Variants in LPCAT1 observed in about 807,000 individuals in gnomAD.
LPCAT1 encodes the protein lysophosphatidylcholine acyltransferase 1, also known as 1-acylglycerol-3-phosphate O-acyltransferase.
Under a neutral mutation model 60.9 loss-of-function variants are expected in LPCAT1, and 23 were observed. The observed-to-expected ratio is 0.38, with a 90% CI of 0.27 to 0.53. LPCAT1 has a LOEUF of 0.53. Ranked by LOEUF, LPCAT1 falls within the 20% of genes least tolerant of loss-of-function variation. LPCAT1 has a pLI of 0.82. For synonymous variants in LPCAT1, 340 were observed against 301.1 expected (o/e 1.13, Z -1.34); for missense variants, 622 against 723.6 (o/e 0.86, Z 1.61).
chr5:1,513,881 T>C (rs928762410), intron 1 of LPCAT1, among the ~76,000 whole-genome samples: 5 of 141,316 alleles, frequency 3.5e-5, no homozygotes, highest in Admixed American at 7.1e-5. Context: ...TGTGATTACA[T>C]TTCCTCCATT....
rs1736707411 is a variant in LPCAT1, at chr5:1,522,525, A to C, written c.135+1185T>G. 6.6e-6 allele frequency among the ~76,000 whole-genome samples: 1 copy of C among 152,148 alleles called. No homozygotes were observed. The highest frequency in any genetic ancestry group is 2.4e-5 in the African/African-American group (1 of 41,436). On this transcript the variant is annotated intron_variant, in intron 1 of 13. Transcript: ENST00000283415. This position sits in a 1 kb window ranked among gnomAD's most constrained non-coding sequence, Gnocchi z 6.8. ...GTGTGTCACCAGGAGGGGCGGCACC[A>C]TCGGGCTCTCCTGCTCCCCGTCCCC...
intron 1 of LPCAT1, among the ~76,000 whole-genome samples, chr5:1,505,873 G>C (rs1453039726): frequency 1.3e-5 from 2 of 152,208 alleles, no homozygotes; most frequent in African/African-American, 2.4e-5. Context: ...TTCCTCTATG[G>C]GAAAGAATGC....
In LPCAT1 at chr5:1,483,586, G is replaced by A; in HGVS notation, c.668-100C>T. On this transcript the variant is annotated intron_variant, in intron 5 of 13. Transcript: ENST00000283415. The surrounding 1 kb of genome is among the most constrained non-coding windows in gnomAD (Gnocchi z 9.2). ...CCTTGGGATAAAAGTGAGCTTTTCT[G>A]TCTAGGCCTTCCTGGTCAGCAAGGG... The A allele has an allele frequency of 2.4e-6, 3 of 1,256,440 alleles. No homozygotes were observed. The highest frequency in any genetic ancestry group is 2.2e-4 in the Middle Eastern group (1 of 4,526). The allele number at this position is 1,256,440 out of a possible 1,614,324, so 77.8% of individuals were successfully genotyped here. A position where few individuals can be genotyped will look rare whatever the true frequency, so the allele number is the denominator to read the frequency against.
Position 1,502,352 on chromosome 5 carries a change from T to C in LPCAT1, c.136-749A>G, listed in dbSNP as rs1365874395. Among the ~76,000 whole-genome samples, 3 of 152,214 alleles carry C rather than the reference T, an allele frequency of 2.0e-5. No individual in the cohort carries two copies. Among genetic ancestry groups the C allele is most frequent in the East Asian group, 3.9e-4 (2 of 5,176 alleles). ...GGACATGAGAAAGCATACGCCACCC[T>C]AGGCAGTGTTGGTGACAGGGGGAGG... is the stretch of plus-strand genomic sequence containing the variant. On this transcript the variant is annotated intron_variant, in intron 1 of 13. Coordinates refer to ENST00000283415, the MANE Select transcript of LPCAT1 (RefSeq NM_024830.5). The surrounding 1 kb of genome is among the most constrained non-coding windows in gnomAD (Gnocchi z 5.5).
rs368713049 is a variant in LPCAT1, at chr5:1,483,969, G to A, written c.668-483C>T. On this transcript the variant is annotated intron_variant, in intron 5 of 13. Transcript: ENST00000283415. The surrounding 1 kb of genome is among the most constrained non-coding windows in gnomAD (Gnocchi z 9.2). ...GCTGGAAGGCGTTGGTGGGAAGTGG[G>A]GGTCCTCATCACCGGCCAATGCTCA... 6.6e-6 allele frequency among the ~76,000 whole-genome samples: 1 copy of A among 152,252 alleles called. No individual in the cohort carries two copies. Among genetic ancestry groups the A allele is most frequent in the Non-Finnish European group, 1.5e-5 (1 of 68,038 alleles).
intron 13 of LPCAT1, among the ~76,000 whole-genome samples, chr5:1,465,803 G>A (rs1734368081): frequency 6.6e-6 from 1 of 150,456 alleles, no homozygotes; most frequent in African/African-American, 2.5e-5. Flanking sequence ...AATACTAAAA[G>A]AAGCACGCAC....
At chr5:1,501,403 C>G in intron 2 of LPCAT1, 58 bp downstream of exon 2, 1 of 1,548,126 alleles carries the variant, frequency 6.5e-7, no homozygotes, top group South Asian at 1.2e-5. Flanking sequence ...AATGGGTTCC[C>G]ACTGTTTGGC....
Position 1,523,897 on chromosome 5 carries a change from G to C in LPCAT1, c.-53C>G. 1 of 1,016,772 alleles carries C rather than the reference G, an allele frequency of 9.8e-7. No individual in the cohort carries two copies. The highest frequency in any genetic ancestry group is 4.5e-5 in the South Asian group (1 of 22,396). The allele number at this position is 1,016,772 out of a possible 1,614,324, so 63.0% of individuals were successfully genotyped here. On this transcript the variant is annotated 5_prime_UTR_variant, in exon 1 of 14. Coordinates refer to ENST00000283415, the MANE Select transcript of LPCAT1 (RefSeq NM_024830.5). This position sits in a 1 kb window ranked among gnomAD's most constrained non-coding sequence, Gnocchi z 7.1. ...CCGAGCTGCCTGGGGCGCCGAGCGGGGCCGGGGCTAGCTGGGCGCGGGTCT... is the reference window on the plus strand; with the variant it reads ...CCGAGCTGCCTGGGGCGCCGAGCGGCGCCGGGGCTAGCTGGGCGCGGGTCT...
chr5:1,507,825 G>C (rs1044508884), intron 1 of LPCAT1, among the ~76,000 whole-genome samples: 2 of 152,230 alleles, frequency 1.3e-5, no homozygotes, highest in African/African-American at 4.8e-5. Flanking sequence ...TCTGGGTCTA[G>C]ATGCAACCAC....
chr5:1,489,976 G>A, intron 3 of LPCAT1, 118 bp from the exon 4 acceptor site: 1 of 742,234 alleles, frequency 1.3e-6, no homozygotes, highest in Non-Finnish European at 2.4e-6. Context: ...AGATGCCCCA[G>A]GGGCTGTGCC....
chr5:1,470,275 C>T (rs985098762), intron 12 of LPCAT1, among the ~76,000 whole-genome samples: 12 of 152,350 alleles, frequency 7.9e-5, no homozygotes, highest in Middle Eastern at 3.4e-3. Context: ...CCTGGCCTCC[C>T]GCCCTCCAGG....
chr5:1,506,268 C>T (rs1366169647), intron 1 of LPCAT1, among the ~76,000 whole-genome samples: 1 of 152,234 alleles, frequency 6.6e-6, no homozygotes, highest in Non-Finnish European at 1.5e-5. Flanking sequence ...GGCATCTCCA[C>T]CGATCTGCCT....
chr5:1,473,229 G>A lies in LPCAT1; in HGVS notation c.1179+728C>T, dbSNP rs971917816. On this transcript the variant is annotated intron_variant, in intron 11 of 13. Transcript: ENST00000283415. The stretch of plus-strand genomic sequence containing the variant: ...ACACGGGACATCTCATGCTGTCACG[G>A]GACAGTCATGGCTGAAGGAGCCTTC... Among the ~76,000 whole-genome samples, 5 of 152,296 alleles carry A rather than the reference G, an allele frequency of 3.3e-5. No homozygotes were observed. In the South Asian group the frequency reaches 8.3e-4, roughly 25 times the overall value.
chr5:1,507,945 A>G (rs933825926), intron 1 of LPCAT1, among the ~76,000 whole-genome samples: 1 of 152,244 alleles, frequency 6.6e-6, no homozygotes, highest in Non-Finnish European at 1.5e-5. Flanking sequence ...CCATTGCAGC[A>G]AACAAGGAGG....
rs1388844688 is a variant in LPCAT1, at chr5:1,502,313, G to GA, written c.136-711dup. 6.6e-6 allele frequency among the ~76,000 whole-genome samples: 1 copy of GA among 152,168 alleles called. No individual in the cohort carries two copies. The highest frequency in any genetic ancestry group is 1.5e-5 in the Non-Finnish European group (1 of 68,034). ...CAGGCCTCACTCAGCAGTTTCCCCT[G>GA]AAATCGTTTATGTGGACATGAGAAA... On this transcript the variant is annotated intron_variant, in intron 1 of 13. Transcript: ENST00000283415. The surrounding 1 kb of genome is among the most constrained non-coding windows in gnomAD (Gnocchi z 5.5).
intron 1 of LPCAT1, among the ~76,000 whole-genome samples, chr5:1,520,154 A>G (rs1225727985): frequency 2.0e-5 from 3 of 152,246 alleles, no homozygotes; most frequent in Non-Finnish European, 4.4e-5. Context: ...AAACACAGCC[A>G]TCCACGTGAG....
At chr5:1,507,107 G>C (rs36968) in intron 1 of LPCAT1, among the ~76,000 whole-genome samples, 40,946 of 152,166 alleles carry the variant, frequency 0.27, 6,336 homozygotes, top group Non-Finnish European at 0.35. Flanking sequence ...AATGCGGAGA[G>C]GGGGAGGGAC....
intron 1 of LPCAT1, among the ~76,000 whole-genome samples, chr5:1,511,398 CG>C: frequency 6.6e-6 from 1 of 151,590 alleles, no homozygotes; most frequent in East Asian, 2.0e-4. Context: ...CTGCTCACCT[CG>C]CTCACCCTAC....
chr5:1,483,888 G>A lies in LPCAT1; in HGVS notation c.668-402C>T, dbSNP rs879846871. ...GGGACACTTGCTATTATAACATTGC[G>A]CACGAGCTGGAAGACATCCGTGGAG... is the stretch of plus-strand genomic sequence containing the variant. On this transcript the variant is annotated intron_variant, in intron 5 of 13. Transcript: ENST00000283415. The surrounding 1 kb of genome is among the most constrained non-coding windows in gnomAD (Gnocchi z 9.2). Among the ~76,000 whole-genome samples, 30 of 150,540 alleles carry A rather than the reference G, an allele frequency of 2.0e-4. No homozygotes were observed. The highest frequency in any genetic ancestry group is 3.8e-4 in the Non-Finnish European group (26 of 67,732).
Sources: allele counts gnomAD v4.1 joint callset (sites outside exome capture counted in the v4.1 genomes callset), GRCh38; gene constraint gnomAD v4.1.1; non-coding constraint Gnocchi (gnomAD v3.1); transcripts MANE v1.5; gene names NCBI Gene and HGNC (gene_info 2026-07-23, HGNC 2026-07-21).